The following PARP4 variants were observed in gnomAD, a reference collection of about 807,000 sequenced individuals.
PARP4 encodes poly(ADP-ribose) polymerase family member 4, also known as protein mono-ADP-ribosyltransferase PARP4.
PARP4 carries 120 observed loss-of-function variants against 187.7 expected under a neutral mutation model. The observed-to-expected ratio is 0.64, with a 90% CI of 0.55 to 0.74. The LOEUF (loss-of-function observed/expected upper bound fraction) is 0.74. Ranked by LOEUF, PARP4 falls within the 30% of genes least tolerant of loss-of-function variation. The pLI, the probability that PARP4 is intolerant of heterozygous loss-of-function variation, is 0.00. For missense variants in PARP4, 1,836 were observed against 2,070.5 expected (o/e 0.89, Z 2.20); for synonymous variants, 654 against 740.9 (o/e 0.88, Z 1.90).
At chr13:24,506,934 G>A (rs1869730334) in intron 1 of PARP4, among the ~76,000 whole-genome samples, 1 of 152,224 alleles carries the variant, frequency 6.6e-6, no homozygotes, top group Non-Finnish European at 1.5e-5. Context: ...GCGGGCTGCA[G>A]GTCCCGAGCC....
intron 32 of PARP4, among the ~76,000 whole-genome samples, chr13:24,427,441 G>A (rs1248216085): frequency 6.8e-6 from 1 of 147,222 alleles, no homozygotes; most frequent in Non-Finnish European, 1.5e-5. Context: ...TGTGATCAGA[G>A]CTCACTGTAG....
intron 1 of PARP4, among the ~76,000 whole-genome samples, chr13:24,506,085 G>T (rs1175307746): frequency 6.6e-6 from 1 of 152,318 alleles, no homozygotes; most frequent in East Asian, 1.9e-4. Context: ...CTTCAAAAAC[G>T]AAGCTGCCTG....
intron 17 of PARP4, among the ~76,000 whole-genome samples, chr13:24,466,282 A>C (rs1052538679): frequency 5.9e-5 from 9 of 152,126 alleles, no homozygotes; most frequent in Non-Finnish European, 1.3e-4. Context: ...CTCAGGCTCA[A>C]GTGATCCTCC....
chr13:24,500,481 C>A, intron 3 of PARP4, 99 bp from the exon 4 acceptor site: 1 of 680,700 alleles, frequency 1.5e-6, no homozygotes, highest in Non-Finnish European at 2.4e-6. Context: ...TAAATATATC[C>A]TTAAATTAGT....
intron 1 of PARP4, among the ~76,000 whole-genome samples, chr13:24,505,990 C>T (rs1411145480): frequency 6.6e-6 from 1 of 152,252 alleles, no homozygotes; most frequent in Non-Finnish European, 1.5e-5. Flanking sequence ...CCTTTGCCTG[C>T]CCTTTCACCT....
At position 24,435,211 on chromosome 13, in the gene PARP4, T is replaced by C; in HGVS notation, c.3930A>G (p.Thr1310=). 1 of 1,614,166 alleles carries C rather than the reference T, an allele frequency of 6.2e-7. No homozygotes were observed. Among genetic ancestry groups the C allele is most frequent in the Non-Finnish European group, 8.5e-7 (1 of 1,180,020 alleles). The change falls in exon 31 of 34, where the codon ACA becomes ACG. Residue 1310 remains threonine (T), a synonymous_variant. Transcript: ENST00000381989. ...PLFKKVSPWE[T]STSSFFPILA... ...AAATAGGAAAAAAGCTAGAAGTAGA[T>C]GTTTCCCATGGACTGACTTTCTTAA...
At chr13:24,488,945 AG>A (rs1868470956) in intron 10 of PARP4, among the ~76,000 whole-genome samples, 2 of 152,336 alleles carry the variant, frequency 1.3e-5, no homozygotes, top group East Asian at 3.9e-4. Context: ...AATATTTTTG[AG>A]GTTCACCCAT....
At chr13:24,510,466 A>G (rs1869944736) in intron 1 of PARP4, among the ~76,000 whole-genome samples, 3 of 148,016 alleles carry the variant, frequency 2.0e-5, no homozygotes. Context: ...AGGCAGGGGA[A>G]TGGCGTGAAC....
chr13:24,462,796 TG>T (rs1357770978), intron 17 of PARP4, among the ~76,000 whole-genome samples: 2 of 152,146 alleles, frequency 1.3e-5, no homozygotes, highest in Non-Finnish European at 2.9e-5. Flanking sequence ...TGACAATAGC[TG>T]AGAAAAGAAT....
At chr13:24,422,546 T>C (rs1189227991) in intron 33 of PARP4, among the ~76,000 whole-genome samples, 1 of 152,342 alleles carries the variant, frequency 6.6e-6, no homozygotes, top group African/African-American at 2.4e-5. Flanking sequence ...ATCAATGTTA[T>C]GTACATCCTG....
chr13:24,461,326 G>T (rs1031723558), intron 17 of PARP4, among the ~76,000 whole-genome samples: 3 of 152,180 alleles, frequency 2.0e-5, no homozygotes, highest in African/African-American at 7.2e-5. Context: ...TAAACACCTG[G>T]GGTTCATTTG....
At position 24,422,210 on chromosome 13, in the gene PARP4, C is replaced by A. The variant is rs200963970; in HGVS notation, c.4980-896G>T. ...CAGTTTCCTCAATTATGAGAATAAC[C>A]TGAGGTCCTATGGGTTTGTGGTGGA... On this transcript the variant is annotated intron_variant, in intron 33 of 33. Coordinates refer to ENST00000381989, the MANE Select transcript of PARP4 (RefSeq NM_006437.4). Among the ~76,000 whole-genome samples the A allele has an allele frequency of 6.6e-3, 902 of 136,352 alleles. 3 individuals carry two copies. The highest frequency in any genetic ancestry group is 0.028 in the East Asian group (125 of 4,462). 89.5% of individuals were successfully genotyped at this position (136,352 alleles called of 152,430 possible). A position where few individuals can be genotyped will look rare whatever the true frequency, so the allele number is the denominator to read the frequency against.
At chr13:24,457,312 T>G (rs931257395) in intron 20 of PARP4, among the ~76,000 whole-genome samples, 1 of 152,204 alleles carries the variant, frequency 6.6e-6, no homozygotes, top group East Asian at 1.9e-4. Context: ...CTTTGCAATG[T>G]GACTTTTGAA....
chr13:24,506,865 G>A lies in PARP4; in HGVS notation c.-1-3088C>T, dbSNP rs143556049. On this transcript the variant is annotated intron_variant, in intron 1 of 33. Transcript: ENST00000381989. The stretch of plus-strand genomic sequence containing the variant: ...GTCGATGGGACCGGGCGCCGGCCGC[G>A]CTCCTGCGGGACGCTCGTGCTGCGC... Among the ~76,000 whole-genome samples the A allele has an allele frequency of 2.8e-3, 434 of 152,306 alleles. 2 individuals are homozygous for A. Among genetic ancestry groups the A allele is most frequent in the African/African-American group, 0.01 (419 of 41,580 alleles).
At chr13:24,483,359 AC>A in intron 12 of PARP4, among the ~76,000 whole-genome samples, 1 of 133,108 alleles carries the variant, frequency 7.5e-6, no homozygotes, top group Non-Finnish European at 1.6e-5. Flanking sequence ...GGTGGTGGGC[AC>A]CTGTAATCCC....
Position 24,455,047 on chromosome 13 carries a change from G to A in PARP4, c.2728C>T (p.Gln910Ter). 2 of 1,609,850 alleles carry A rather than the reference G, an allele frequency of 1.2e-6. No individual in the cohort carries two copies. The highest frequency in any genetic ancestry group is 1.7e-6 in the Non-Finnish European group (2 of 1,176,686). ...CCGAACTGGATAATATTTACTTTCT[G>A]CTTCTCACCCACCAAGGACAGCGCA... ...LHALSLVGEKQKVNIIQFGTG... is the reference protein window; with the variant it reads ...LHALSLVGEK The change falls in exon 22 of 34, where the codon CAG becomes TAG. Residue 910 changes from glutamine to a stop codon, truncating the protein, a stop_gained. Coordinates refer to ENST00000381989, the MANE Select transcript of PARP4 (RefSeq NM_006437.4). LOFTEE classifies it high-confidence loss of function.
chr13:24,500,523 G>GGAAAAAGA (rs1869215102), intron 3 of PARP4, 141 bp from the exon 4 acceptor site: 1 of 423,982 alleles, frequency 2.4e-6, no homozygotes, highest in Non-Finnish European at 4.3e-6. Context: ...ATAACCCAGT[G>GGAAAAAGA]GGAAAAGAGG....
At position 24,460,010 on chromosome 13, in the gene PARP4, G is replaced by A. The variant is rs757801431; in HGVS notation, c.2260C>T (p.Pro754Ser). 4 of 1,614,094 alleles carry A rather than the reference G, an allele frequency of 2.5e-6. No homozygotes were observed. Among genetic ancestry groups the A allele is most frequent in the Admixed American group, 1.7e-5 (1 of 60,002 alleles). Residue 754 changes from proline (P) to serine (S), a missense_variant, in exon 18 of 34, where the codon CCC becomes TCC. Physicochemically the swap from Pro to Ser is moderately conservative, Grantham distance 74. Transcript: ENST00000381989. ...GVFFMPATVAPWQQDKALNEN... is the reference protein window; with the variant it reads ...GVFFMPATVASWQQDKALNEN... ...TTCAAAGCCTTGTCCTGTTGCCAGG[G>A]TGCTACGGTGGCGGGCATGAAAAAG...
At chr13:24,510,736 ACTGT>A (rs1274314617) in intron 1 of PARP4, among the ~76,000 whole-genome samples, 4,539 of 152,114 alleles carry the variant, frequency 0.03, 222 homozygotes, top group African/African-American at 0.098. Flanking sequence ...AGTTTTTAAA[ACTGT>A]GTGTACAGTT....
Sources: gnomAD v4.1 joint callset for allele counts (sites outside exome capture counted in the v4.1 genomes callset) on GRCh38, gnomAD v4.1.1 for gene constraint, MANE v1.5 for transcripts, NCBI Gene and HGNC (gene_info 2026-07-23, HGNC 2026-07-21) for gene names.